Variants in PIBF1 observed in about 807,000 individuals in gnomAD.
The protein encoded by PIBF1 is progesterone-induced-blocking factor 1.
PIBF1 carries 90 observed loss-of-function variants against 112.5 expected under a neutral mutation model. The ratio of observed to expected loss-of-function variants is 0.80; its 90% CI spans 0.67 to 0.95. PIBF1 has a LOEUF of 0.95. PIBF1 is among the 40% of genes least tolerant of loss of function. The pLI, the probability that PIBF1 is intolerant of heterozygous loss-of-function variation, is 0.00. For synonymous variants in PIBF1, 301 were observed against 288.6 expected (o/e 1.04, Z -0.44); for missense variants, 915 against 852.3 (o/e 1.07, Z -0.92).
At chr13:72,790,499 TCACACACAC>T (rs1566271815) in intron 2 of PIBF1, among the ~76,000 whole-genome samples, 3 of 138,234 alleles carry the variant, frequency 2.2e-5, no homozygotes, top group African/African-American at 8.5e-5. Flanking sequence ...TATAGATAGA[TCACACACAC>T]ACATAGATAG....
rs201277916 is a variant in PIBF1, at chr13:72,859,000, ATTAC to A, written c.1322+4848_1322+4851del. Among the ~76,000 whole-genome samples the A allele has an allele frequency of 8.6e-3, 1,310 of 152,248 alleles. 60 individuals carry two copies. Among genetic ancestry groups the A allele is most frequent in the East Asian group, 9.5e-3 (49 of 5,182 alleles). On this transcript the variant is annotated intron_variant, in intron 10 of 17. Coordinates refer to ENST00000326291, the MANE Select transcript of PIBF1 (RefSeq NM_006346.4). ...GCAATCTTACATAAACTTTAAGCAA[ATTAC>A]TTGACTTTTTTTAACTATAATGGAT...
intron 13 of PIBF1, among the ~76,000 whole-genome samples, chr13:72,922,856 A>G (rs984163154): frequency 2.0e-5 from 3 of 152,168 alleles, no homozygotes; most frequent in Non-Finnish European, 4.4e-5. Context: ...TAAATTTGGA[A>G]GTGTAAGCCT....
rs2043770652 is a variant in PIBF1 at position 72,998,963 on chromosome 13, G to A, written c.2191G>A (p.Asp731Asn). Residue 731 changes from aspartate to asparagine, a missense_variant, in exon 17 of 18, where the codon GAC (aspartate) becomes AAC (asparagine). Physicochemically the swap from Asp to Asn is conservative, Grantham distance 23 (BLOSUM62 1). Coordinates refer to ENST00000326291, the MANE Select transcript of PIBF1 (RefSeq NM_006346.4). Reference sequence around the variant, plus strand: ...TTTGAATGTGCCTAAAGAGCATGAAGACAATATATTTACACCTAAACCAAC... The same window carrying A: ...TTTGAATGTGCCTAAAGAGCATGAAAACAATATATTTACACCTAAACCAAC... Reference protein sequence around the residue: ...KTLNVPKEHEDNIFTPKPTLF... With the variant: ...KTLNVPKEHENNIFTPKPTLF... The A allele has an allele frequency of 6.2e-7, 1 of 1,608,594 alleles. No homozygotes were observed. Among genetic ancestry groups the A allele is most frequent in the African/African-American group, 1.3e-5 (1 of 74,860 alleles).
At chr13:72,883,849 T>C (rs2039739077) in intron 10 of PIBF1, among the ~76,000 whole-genome samples, 1 of 152,166 alleles carries the variant, frequency 6.6e-6, no homozygotes, top group Non-Finnish European at 1.5e-5. Context: ...ATCCCAGCAC[T>C]TTGGGAGGCT....
chr13:72,891,702 C>T (rs2040063551), intron 10 of PIBF1, among the ~76,000 whole-genome samples: 1 of 151,920 alleles, frequency 6.6e-6, no homozygotes, highest in East Asian at 1.9e-4. Flanking sequence ...AATTGTGTTC[C>T]TAGGTATATA....
At chr13:72,851,285 C>T (rs1594049889) in intron 9 of PIBF1, among the ~76,000 whole-genome samples, 1 of 152,242 alleles carries the variant, frequency 6.6e-6, no homozygotes, top group Admixed American at 6.5e-5. Context: ...GCCTAGGGAG[C>T]CCCCTTCCCC....
intron 9 of PIBF1, among the ~76,000 whole-genome samples, chr13:72,850,764 G>A (rs550545838): frequency 2.0e-4 from 13 of 63,876 alleles, no homozygotes; most frequent in Admixed American, 1.6e-3. Flanking sequence ...TATAGTTTGA[G>A]AACTTTATCT....
At chr13:72,925,288 G>A (rs574690684) in intron 13 of PIBF1, among the ~76,000 whole-genome samples, 39 of 152,160 alleles carry the variant, frequency 2.6e-4, no homozygotes, top group African/African-American at 8.9e-4. Context: ...TATAAGGTTA[G>A]CAAAACTTCC....
At position 72,820,172 on chromosome 13, in the gene PIBF1, A is replaced by G. The variant is rs574485327; in HGVS notation, c.673-1677A>G. Among the ~76,000 whole-genome samples the G allele has an allele frequency of 1.3e-4, 20 of 152,122 alleles. No homozygotes were observed. The East Asian group carries it at 3.7e-3, about 28-fold the overall frequency. ...ATTACTTGATATATGCTTCACAAGA[A>G]CTCTGAGGTAGGACACCAGAATAGA... On this transcript the variant is annotated intron_variant, in intron 5 of 17. Coordinates refer to ENST00000326291, the MANE Select transcript of PIBF1 (RefSeq NM_006346.4).
chr13:72,858,434 C>T (rs2038542430), intron 10 of PIBF1, among the ~76,000 whole-genome samples: 1 of 152,182 alleles, frequency 6.6e-6, no homozygotes, highest in African/African-American at 2.4e-5. Flanking sequence ...GCTATATATA[C>T]CACCTTATTT....
Position 72,813,773 on chromosome 13 carries a change from A to G in PIBF1, c.673-8076A>G, listed in dbSNP as rs78581874. Among the ~76,000 whole-genome samples, 979 of 152,340 alleles carry G rather than the reference A, an allele frequency of 6.4e-3. 13 individuals carry two copies. The highest frequency in any genetic ancestry group is 0.022 in the African/African-American group (907 of 41,576). On this transcript the variant is annotated intron_variant, in intron 5 of 17. Transcript: ENST00000326291. Reference sequence around the variant, plus strand: ...GCTTTTGGTTAAGCAGATCATTAAGAGGAATGGACCCACTTCTTAATCAGA... The same window carrying G: ...GCTTTTGGTTAAGCAGATCATTAAGGGGAATGGACCCACTTCTTAATCAGA...
At chr13:72,786,693 T>C (rs1471526417) in intron 2 of PIBF1, among the ~76,000 whole-genome samples, 2 of 152,350 alleles carry the variant, frequency 1.3e-5, no homozygotes, top group East Asian at 3.9e-4. Flanking sequence ...CTTTGACATA[T>C]ATAAATGTCT....
At chr13:72,835,197 T>C in intron 8 of PIBF1, 46 bp from the exon 9 acceptor site, 1 of 1,462,544 alleles carries the variant, frequency 6.8e-7, no homozygotes, top group Non-Finnish European at 9.1e-7. Flanking sequence ...AAAAGCCTAT[T>C]TGTTTCAAAA....
Position 72,807,157 on chromosome 13 carries a change from T to C in PIBF1, c.672+9131T>C, listed in dbSNP as rs118132584. ...AATTCTCAGGAAATTGTTTTCTCTTTAGTAGGTGAAGGATAAGAGCCAAAA... is the reference window on the plus strand; with the variant it reads ...AATTCTCAGGAAATTGTTTTCTCTTCAGTAGGTGAAGGATAAGAGCCAAAA... On this transcript the variant is annotated intron_variant, in intron 5 of 17. Coordinates refer to ENST00000326291, the MANE Select transcript of PIBF1 (RefSeq NM_006346.4). 2.0e-4 allele frequency among the ~76,000 whole-genome samples: 29 copies of C among 147,272 alleles called. No individual in the cohort carries two copies. In the East Asian group the frequency reaches 3.6e-3, roughly 18 times the overall value.
chr13:72,990,894 T>C (rs1368288363), intron 16 of PIBF1, among the ~76,000 whole-genome samples: 1 of 152,208 alleles, frequency 6.6e-6, no homozygotes, highest in African/African-American at 2.4e-5. Context: ...ATATATGTAT[T>C]TGGTTTAAAA....
Position 72,940,792 on chromosome 13 carries a change from T to G in PIBF1, c.1833+9525T>G, listed in dbSNP as rs147923107. On this transcript the variant is annotated intron_variant, in intron 14 of 17. Transcript: ENST00000326291. ...TTCCATGTCCTGTAAATTGTAAGGT[T>G]TTCTACTTTGGCTGATGGAAATAAG... Among the ~76,000 whole-genome samples the G allele has an allele frequency of 1.9e-3, 294 of 152,304 alleles. 1 individual carries two copies. The highest frequency in any genetic ancestry group is 6.8e-3 in the African/African-American group (283 of 41,584).
intron 16 of PIBF1, among the ~76,000 whole-genome samples, chr13:72,989,987 G>A (rs2043421485): frequency 6.6e-6 from 1 of 152,066 alleles, no homozygotes; most frequent in African/African-American, 2.4e-5. Flanking sequence ...GCTGACACAG[G>A]TGGATCACTT....
chr13:72,908,712 CTT>C, intron 12 of PIBF1, 31 bp downstream of exon 12: 14 of 1,432,620 alleles, frequency 9.8e-6, no homozygotes, highest in Admixed American at 2.1e-5. Context: ...ACATGCACAA[CTT>C]TTTTTTTTCT....
At chr13:72,860,310 T>G (rs59830631) in intron 10 of PIBF1, among the ~76,000 whole-genome samples, 35 of 4,382 alleles carry the variant, frequency 8.0e-3, no homozygotes, top group East Asian at 0.037. Context: ...TTTTTAGGGG[T>G]GTGTGTGTGT....
Sources: allele counts gnomAD v4.1 joint callset (sites outside exome capture counted in the v4.1 genomes callset), GRCh38; gene constraint gnomAD v4.1.1; transcripts MANE v1.5; gene names NCBI Gene and HGNC (gene_info 2026-07-23, HGNC 2026-07-21).